The following ADAMTSL1 variants were observed in gnomAD, a reference collection of about 807,000 sequenced individuals.
ADAMTSL1 encodes the protein ADAMTS-like protein 1.
Under a neutral mutation model 201.8 loss-of-function variants are expected in ADAMTSL1, and 126 were observed. The ratio of observed to expected loss-of-function variants is 0.62; its 90% CI spans 0.54 to 0.72. The LOEUF (loss-of-function observed/expected upper bound fraction) is 0.72. Ranked by LOEUF, ADAMTSL1 falls within the 30% of genes least tolerant of loss-of-function variation. ADAMTSL1 has a pLI of 0.00. For missense variants in ADAMTSL1, 2,679 were observed against 2,277.8 expected (o/e 1.18, Z -3.59); for synonymous variants, 1,121 against 903.4 (o/e 1.24, Z -4.32).
chr9:18,243,849 G>A (rs943706092), intron 2 of ADAMTSL1, among the ~76,000 whole-genome samples: 2 of 149,934 alleles, frequency 1.3e-5, no homozygotes, highest in Non-Finnish European at 1.5e-5. Context: ...CAGGGAAGAC[G>A]AGACTCTTCC....
intron 1 of ADAMTSL1, among the ~76,000 whole-genome samples, chr9:18,481,283 A>G (rs1434247425): frequency 3.9e-5 from 6 of 152,192 alleles, no homozygotes; most frequent in Admixed American, 3.9e-4. Context: ...AGTGGCTCAC[A>G]TCTGTAATCC....
intron 7 of ADAMTSL1, among the ~76,000 whole-genome samples, chr9:18,646,063 C>G (rs1021772486): frequency 1.1e-4 from 16 of 151,850 alleles, no homozygotes; most frequent in East Asian, 3.9e-4. Context: ...CTTTTATTTC[C>G]TTGAGCAGTG....
At chr9:17,953,737 A>G (rs1329750167) in intron 1 of ADAMTSL1, among the ~76,000 whole-genome samples, 3 of 152,166 alleles carry the variant, frequency 2.0e-5, no homozygotes, top group Non-Finnish European at 4.4e-5. Context: ...AAAAAGTCTG[A>G]AAGGTTACTG....
chr9:18,093,468 G>A (rs578183614), intron 1 of ADAMTSL1, among the ~76,000 whole-genome samples: 7 of 152,236 alleles, frequency 4.6e-5, no homozygotes, highest in Middle Eastern at 3.4e-3. Context: ...GCATAAGGCC[G>A]CATTGGAAAT....
intron 7 of ADAMTSL1, among the ~76,000 whole-genome samples, chr9:18,641,356 G>A (rs925811112): frequency 6.6e-6 from 1 of 151,996 alleles, no homozygotes; most frequent in Non-Finnish European, 1.5e-5. Context: ...ACAACTGCTG[G>A]ATAAATAAAG....
chr9:18,278,641 T>G (rs768748196), intron 2 of ADAMTSL1, among the ~76,000 whole-genome samples: 3 of 152,192 alleles, frequency 2.0e-5, no homozygotes, highest in Non-Finnish European at 4.4e-5. Flanking sequence ...GAAGATCTTT[T>G]TATAATTAAT....
chr9:18,029,878 A>C (rs1242929143), intron 1 of ADAMTSL1, among the ~76,000 whole-genome samples: 1 of 150,622 alleles, frequency 6.6e-6, no homozygotes. Flanking sequence ...AATGGTGATC[A>C]TTAAAAAGTC....
chr9:18,859,906 T>C (rs543895129), intron 23 of ADAMTSL1, among the ~76,000 whole-genome samples: 11 of 152,252 alleles, frequency 7.2e-5, no homozygotes, highest in African/African-American at 2.6e-4. Context: ...AATTACATAG[T>C]GGTGAATCCT....
At chr9:18,680,232 G>C in intron 10 of ADAMTSL1, 80 bp from the exon 11 acceptor site, 1 of 1,389,660 alleles carries the variant, frequency 7.2e-7, no homozygotes, top group Admixed American at 2.0e-5. Context: ...AATAGACATG[G>C]GGAGTGGGTT....
At position 18,185,887 on chromosome 9, in the gene ADAMTSL1, C is replaced by T. The variant is rs903680412; in HGVS notation, c.207+21906C>T. ...AAAAGTTTCACAATTATTGATGTGG[C>T]GTTGGATGTGTTTGACCATGGAACA... is the stretch of plus-strand genomic sequence containing the variant. On this transcript the variant is annotated intron_variant, in intron 2 of 29. Coordinates refer to the ADAMTSL1 transcript ENST00000680146. 7.2e-5 allele frequency among the ~76,000 whole-genome samples: 11 copies of T among 152,016 alleles called. No homozygotes were observed. The East Asian group carries it at 2.1e-3, about 29-fold the overall frequency.
chr9:18,152,736 T>C (rs1826971970), intron 1 of ADAMTSL1, among the ~76,000 whole-genome samples: 1 of 150,218 alleles, frequency 6.7e-6, no homozygotes, highest in Admixed American at 6.6e-5. Flanking sequence ...GAGAGTGGAG[T>C]AGTGATGACA....
At chr9:18,240,120 C>G (rs946382821) in intron 2 of ADAMTSL1, among the ~76,000 whole-genome samples, 6 of 152,104 alleles carry the variant, frequency 3.9e-5, no homozygotes, top group Non-Finnish European at 5.9e-5. Context: ...CTTACTGTAC[C>G]CAGATCCATT....
At chr9:18,876,737 T>C (rs557478371) in intron 23 of ADAMTSL1, among the ~76,000 whole-genome samples, 1 of 152,326 alleles carries the variant, frequency 6.6e-6, no homozygotes, top group Admixed American at 6.5e-5. Flanking sequence ...GCCTAGATGA[T>C]GATCTTTTTG....
chr9:18,262,185 G>C (rs559425920), intron 2 of ADAMTSL1, among the ~76,000 whole-genome samples: 1 of 152,252 alleles, frequency 6.6e-6, no homozygotes, highest in Non-Finnish European at 1.5e-5. Context: ...AATATTTTCA[G>C]AGCCTGGTAA....
chr9:18,402,322 G>T (rs1357721038), intron 2 of ADAMTSL1, among the ~76,000 whole-genome samples: 1 of 152,054 alleles, frequency 6.6e-6, no homozygotes, highest in Non-Finnish European at 1.5e-5. Context: ...TTCTAAGTTG[G>T]AATATCTCTC....
chr9:18,285,785 A>G (rs1414699738), intron 2 of ADAMTSL1, among the ~76,000 whole-genome samples: 2 of 152,084 alleles, frequency 1.3e-5, no homozygotes, highest in African/African-American at 2.4e-5. Flanking sequence ...GGCTTCTCCA[A>G]TATTAGAATT....
Position 18,030,225 on chromosome 9 carries a change from T to C in ADAMTSL1, c.87+123303T>C, listed in dbSNP as rs1428887320. Among the ~76,000 whole-genome samples the C allele has an allele frequency of 2.0e-5, 3 of 149,888 alleles. No individual in the cohort carries two copies. The East Asian group carries it at 5.9e-4, about 29-fold the overall frequency. ...TGGAATACTATGCAGCCATAAAAAATGATGAGTTCTTGTCCTTTGTAGGGA... is the reference window on the plus strand; with the variant it reads ...TGGAATACTATGCAGCCATAAAAAACGATGAGTTCTTGTCCTTTGTAGGGA... On this transcript the variant is annotated intron_variant, in intron 1 of 29. Coordinates refer to the ADAMTSL1 transcript ENST00000680146.
intron 14 of ADAMTSL1, among the ~76,000 whole-genome samples, chr9:18,711,209 A>G (rs1241287987): frequency 6.6e-6 from 1 of 152,218 alleles, no homozygotes; most frequent in Admixed American, 6.5e-5. Context: ...TAAACAGAAA[A>G]GGAAACATAT....
intron 1 of ADAMTSL1, among the ~76,000 whole-genome samples, chr9:17,932,680 G>A (rs2131322729): frequency 6.6e-6 from 1 of 152,184 alleles, no homozygotes; most frequent in South Asian, 2.1e-4. Flanking sequence ...TGTGTTGGGT[G>A]GGGATAAATA....
Sources: allele counts gnomAD v4.1 joint callset (sites outside exome capture counted in the v4.1 genomes callset), GRCh38; gene constraint gnomAD v4.1.1; transcripts MANE v1.5; gene names NCBI Gene and HGNC (gene_info 2026-07-23, HGNC 2026-07-21).